Variants in CDK13 observed in about 807,000 individuals in gnomAD.
CDK13 encodes the protein cyclin dependent kinase 13.
CDK13 carries 40 observed loss-of-function variants against 137.6 expected under a neutral mutation model. That is an observed-to-expected ratio of 0.29 (90% CI 0.23 to 0.38). The LOEUF (loss-of-function observed/expected upper bound fraction) is 0.38, where lower values mean the gene tolerates loss of function less well. CDK13 is among the 10% of genes least tolerant of loss of function. The pLI, the probability that CDK13 is intolerant of heterozygous loss-of-function variation, is 1.00. For missense variants in CDK13, 1,704 were observed against 1,951.8 expected (o/e 0.87, Z 2.39); for synonymous variants, 869 against 760.1 (o/e 1.14, Z -2.36).
chr7:40,058,019 A>G (rs1416645993), intron 7 of CDK13, among the ~76,000 whole-genome samples: 3 of 152,314 alleles, frequency 2.0e-5, no homozygotes, highest in Admixed American at 6.5e-5. Flanking sequence ...AATAACGACT[A>G]TAGTGTCAAA....
intron 2 of CDK13, among the ~76,000 whole-genome samples, chr7:39,988,910 C>T (rs1017481904): frequency 3.3e-5 from 5 of 151,478 alleles, no homozygotes; most frequent in South Asian, 2.1e-4. Context: ...GGTGAAACCC[C>T]GTCTCTACTA....
intron 5 of CDK13, among the ~76,000 whole-genome samples, chr7:40,014,673 C>T (rs1784968281): frequency 6.6e-6 from 1 of 152,146 alleles, no homozygotes; most frequent in Middle Eastern, 3.4e-3. Flanking sequence ...CGAGGCCAGT[C>T]TCGAACTCCT....
chr7:39,993,353 C>T (rs1237547830), intron 2 of CDK13, among the ~76,000 whole-genome samples: 2 of 152,156 alleles, frequency 1.3e-5, no homozygotes, highest in African/African-American at 4.8e-5. Flanking sequence ...TTTTTACCCT[C>T]ACATTGTCCG....
chr7:39,975,144 T>C (rs1784079663), intron 1 of CDK13, among the ~76,000 whole-genome samples: 2 of 152,252 alleles, frequency 1.3e-5, no homozygotes, highest in Middle Eastern at 3.4e-3. Context: ...TTGGGCATGG[T>C]GGCTCACACC....
intron 12 of CDK13, among the ~76,000 whole-genome samples, chr7:40,090,449 G>A (rs1345080945): frequency 1.3e-5 from 2 of 152,134 alleles, no homozygotes; most frequent in Non-Finnish European, 2.9e-5. Flanking sequence ...CGCCTCCCAG[G>A]TTCAAGTGAT....
In CDK13 at chr7:39,951,232, G is replaced by T. The variant is rs994042341; in HGVS notation, c.591G>T (p.Arg197Ser). 9.3e-6 allele frequency: 12 copies of T among 1,283,526 alleles called. No homozygotes were observed. Among genetic ancestry groups the T allele is most frequent in the Non-Finnish European group, 1.2e-5 (12 of 1,019,040 alleles). 79.5% of individuals were successfully genotyped at this position (1,283,526 alleles called of 1,614,324 possible). Residue 197 changes from arginine to serine, a missense_variant, in exon 1 of 14, where the codon AGG (arginine) becomes AGT (serine). By Grantham distance (110) the Arg-to-Ser change is moderately radical (BLOSUM62 -1). Transcript: ENST00000181839. ...TQRRGEGSER[R>S]PRRDRRSSSG... ...GGCGCGGGGAGGGGTCGGAGCGCAG[G>T]CCCCGCCGGGACCGCCGCAGCAGCA...
At chr7:40,052,171 C>CTTTG (rs1459596643) in intron 7 of CDK13, among the ~76,000 whole-genome samples, 1 of 85,760 alleles carries the variant, frequency 1.2e-5, no homozygotes, top group Admixed American at 1.1e-4. Flanking sequence ...TAATGTGACA[C>CTTTG]TTTATTTGTT....
Position 40,094,328 on chromosome 7 carries a change from C to T in CDK13, c.3887C>T (p.Ala1296Val), listed in dbSNP as rs866747352. The change falls in exon 14 of 14, where the codon GCC becomes GTC. Residue 1296 changes from alanine (A) to valine (V), a missense_variant. Coordinates refer to ENST00000181839, the MANE Select transcript of CDK13 (RefSeq NM_003718.5). ...TTSSSLTDPHAGVKAALLQLL... is the reference protein window; with the variant it reads ...TTSSSLTDPHVGVKAALLQLL... ...AGTTCTTCATTAACTGACCCTCATG[C>T]CGGAGTGAAGGCAGCCCTGTTACAG... 1 of 1,613,544 alleles carries T rather than the reference C, an allele frequency of 6.2e-7. No homozygotes were observed. The highest frequency in any genetic ancestry group is 1.7e-5 in the Admixed American group (1 of 59,960).
chr7:40,043,272 T>A (rs1399845627), intron 5 of CDK13, among the ~76,000 whole-genome samples: 1 of 152,244 alleles, frequency 6.6e-6, no homozygotes, highest in African/African-American at 2.4e-5. Context: ...TGGCTATTTT[T>A]ATAATTATTA....
chr7:40,001,749 GT>G (rs749126237), intron 4 of CDK13, 111 bp from the exon 5 acceptor site: 49 of 757,722 alleles, frequency 6.5e-5, no homozygotes, highest in Non-Finnish European at 9.8e-5. Flanking sequence ...ATACTTTGTG[GT>G]TCTATTTTTG....
intron 7 of CDK13, chr7:40,048,902 CAG>C (rs1462946350): frequency 1.3e-5 from 2 of 151,076 alleles, no homozygotes; most frequent in African/African-American, 2.5e-5. Flanking sequence ...TGAAACCCCT[CAG>C]AAAGTGTGCA....
At chr7:39,984,392 C>T (rs1358772639) in intron 1 of CDK13, 3 of 145,282 alleles carry the variant, frequency 2.1e-5, no homozygotes, top group Non-Finnish European at 4.5e-5. Context: ...GCCTGGGTGA[C>T]AGTGAGACCC....
At chr7:40,007,460 T>C (rs909290405) in intron 5 of CDK13, among the ~76,000 whole-genome samples, 2 of 152,240 alleles carry the variant, frequency 1.3e-5, no homozygotes, top group Admixed American at 1.3e-4. Context: ...GGAGTCTCGC[T>C]CTGTCACCCA....
At chr7:39,981,792 C>CT (rs545024171) in intron 1 of CDK13, among the ~76,000 whole-genome samples, 7,100 of 136,284 alleles carry the variant, frequency 0.052, 458 homozygotes, top group African/African-American at 0.14. Context: ...TCCAAAATAT[C>CT]TTTTTTTTTT....
intron 7 of CDK13, among the ~76,000 whole-genome samples, chr7:40,057,398 G>A (rs567032315): frequency 2.6e-5 from 4 of 152,176 alleles, no homozygotes; most frequent in Admixed American, 2.0e-4. Flanking sequence ...TTCTACACAT[G>A]CCTTCCAATG....
At chr7:40,042,679 A>G (rs1351551727) in intron 5 of CDK13, among the ~76,000 whole-genome samples, 4 of 146,024 alleles carry the variant, frequency 2.7e-5, no homozygotes, top group African/African-American at 1.0e-4. Flanking sequence ...GGGTTTTACC[A>G]TGTTGTCCAG....
chr7:39,958,165 A>G (rs988839031), intron 1 of CDK13, among the ~76,000 whole-genome samples: 1 of 152,210 alleles, frequency 6.6e-6, no homozygotes, highest in African/African-American at 2.4e-5. Context: ...GAATGTAAGT[A>G]AAATGGAAAT....
chr7:39,994,142 C>G (rs958491890), intron 2 of CDK13, among the ~76,000 whole-genome samples: 1 of 151,952 alleles, frequency 6.6e-6, no homozygotes, highest in African/African-American at 2.4e-5. Context: ...TTCTCAGAGT[C>G]TGTTGCTTAT....
At chr7:40,055,160 G>C (rs1229115812) in intron 7 of CDK13, among the ~76,000 whole-genome samples, 2 of 140,708 alleles carry the variant, frequency 1.4e-5, no homozygotes, top group Admixed American at 7.0e-5. Flanking sequence ...GAAGGACTGT[G>C]TGTGTGTGTG....
Sources: allele counts gnomAD v4.1 joint callset (sites outside exome capture counted in the v4.1 genomes callset), GRCh38; gene constraint gnomAD v4.1.1; transcripts MANE v1.5; gene names NCBI Gene and HGNC (gene_info 2026-07-23, HGNC 2026-07-21).